Variants in DNAH9 observed in about 807,000 individuals in gnomAD.
The protein encoded by DNAH9 is dynein axonemal heavy chain 9, also known as DNAH9 variant protein.
In DNAH9, 345 loss-of-function variants were observed where a neutral mutation model predicts 471.6. That is an observed-to-expected ratio of 0.73 (90% CI 0.67 to 0.80). The LOEUF is 0.80. DNAH9 is among the 30% of genes least tolerant of loss of function. The pLI, the probability that DNAH9 is intolerant of heterozygous loss-of-function variation, is 0.00. For synonymous variants in DNAH9, 2,093 were observed against 2,123.6 expected (o/e 0.99, Z 0.40); for missense variants, 5,407 against 5,609.2 (o/e 0.96, Z 1.15).
Position 11,680,709 on chromosome 17 carries a change from G to A in DNAH9, c.3577-14G>A. 2 of 1,613,522 alleles carry A rather than the reference G, an allele frequency of 1.2e-6. No individual in the cohort carries two copies. Among genetic ancestry groups the A allele is most frequent in the Non-Finnish European group, 1.7e-6 (2 of 1,179,648 alleles). Reference sequence around the variant, plus strand: ...CACCTTGGGAATCTGACCACACTGAGGTTTCCTTTGCAGGAGCTGCCTGAG... The same window carrying A: ...CACCTTGGGAATCTGACCACACTGAAGTTTCCTTTGCAGGAGCTGCCTGAG... On this transcript the variant is annotated splice_polypyrimidine_tract_variant and intron_variant, in intron 18 of 68. Transcript: ENST00000262442.
intron 43 of DNAH9, among the ~76,000 whole-genome samples, chr17:11,805,450 C>T (rs1010300780): frequency 6.7e-6 from 1 of 148,344 alleles, no homozygotes; most frequent in African/African-American, 2.5e-5. Flanking sequence ...CAGACAGGAG[C>T]ACAGGATTGT....
At position 11,822,906 on chromosome 17, in the gene DNAH9, A is replaced by T. The variant is rs1970358073; in HGVS notation, c.9118A>T (p.Thr3040Ser). 6.2e-7 allele frequency: 1 copy of T among 1,614,004 alleles called. No homozygotes were observed. Among genetic ancestry groups the T allele is most frequent in the East Asian group, 2.2e-5 (1 of 44,858 alleles). The change falls in exon 48 of 69, where the codon ACT (threonine) becomes TCT (serine). Residue 3040 changes from threonine (T) to serine (S), a missense_variant. By Grantham distance (58) the Thr-to-Ser change is moderately conservative (BLOSUM62 1). Transcript: ENST00000262442. ...CAATGAACAGCGCTACAACTATACA[A>T]CTCCCAAGTCCTTTCTGGAGTTCAT... is the stretch of plus-strand genomic sequence containing the variant. ...LSNEQRYNYT[T>S]PKSFLEFIRL...
chr17:11,940,817 T>A (rs143209321), intron 66 of DNAH9, among the ~76,000 whole-genome samples: 3 of 152,302 alleles, frequency 2.0e-5, no homozygotes, highest in Admixed American at 1.3e-4. Context: ...TGTTTACAGC[T>A]GGAGAAAATT....
intron 49 of DNAH9, among the ~76,000 whole-genome samples, chr17:11,850,584 G>C (rs1215601732): frequency 1.3e-5 from 2 of 151,576 alleles, no homozygotes; most frequent in Non-Finnish European, 2.9e-5. Flanking sequence ...CCGGGAGGTG[G>C]AGGTTGCAGT....
chr17:11,915,026 T>G (rs960293267), intron 61 of DNAH9, among the ~76,000 whole-genome samples: 2 of 152,184 alleles, frequency 1.3e-5, no homozygotes, highest in South Asian at 2.1e-4. Flanking sequence ...TTCCACCTCC[T>G]AAATATGCTT....
chr17:11,678,183 G>C (rs55675546), intron 17 of DNAH9, among the ~76,000 whole-genome samples: 1 of 151,902 alleles, frequency 6.6e-6, no homozygotes, highest in East Asian at 1.9e-4. Flanking sequence ...TCAGCATCCC[G>C]AGTAGCTGGG....
At chr17:11,772,278 G>T (rs1457754222) in intron 38 of DNAH9, among the ~76,000 whole-genome samples, 3 of 151,742 alleles carry the variant, frequency 2.0e-5, no homozygotes, top group African/African-American at 7.2e-5. Context: ...AAATTAAACA[G>T]AAAAAGTGAT....
At chr17:11,894,311 C>T (rs77674979) in intron 58 of DNAH9, 63 bp from the exon 59 acceptor site, 16,990 of 1,594,596 alleles carry the variant, frequency 0.011, 128 homozygotes, top group South Asian at 0.012. Context: ...GTGACAACCC[C>T]TAAGATTTCT....
At position 11,905,175 on chromosome 17, in the gene DNAH9, A is replaced by T. The variant is rs544590022; in HGVS notation, c.11601-486A>T. Among the ~76,000 whole-genome samples the T allele has an allele frequency of 3.3e-5, 5 of 151,902 alleles. No homozygotes were observed. The East Asian group carries it at 9.7e-4, about 30-fold the overall frequency. Reference sequence around the variant, plus strand: ...CTTGAACCCGGGAGGCAGAGGTTGTAGTGAGCTGAGATTGTGCCACTGCAG... The same window carrying T: ...CTTGAACCCGGGAGGCAGAGGTTGTTGTGAGCTGAGATTGTGCCACTGCAG... On this transcript the variant is annotated intron_variant, in intron 60 of 68. Transcript: ENST00000262442.
chr17:11,847,692 C>G (rs1273269471), intron 49 of DNAH9, among the ~76,000 whole-genome samples: 1 of 152,220 alleles, frequency 6.6e-6, no homozygotes, highest in Non-Finnish European at 1.5e-5. Context: ...TACTGGGAAT[C>G]TCCCATTCGT....
intron 50 of DNAH9, among the ~76,000 whole-genome samples, chr17:11,860,217 C>T (rs1041710281): frequency 6.6e-6 from 1 of 152,196 alleles, no homozygotes; most frequent in Admixed American, 6.5e-5. Context: ...CACCCCCACT[C>T]CCCAGAGTTT....
At chr17:11,942,182 A>G in intron 66 of DNAH9, 121 bp from the exon 67 acceptor site, 1 of 1,357,092 alleles carries the variant, frequency 7.4e-7, no homozygotes, top group South Asian at 1.4e-5. Context: ...TGGCCATGTC[A>G]GTGGGTGGAG....
intron 49 of DNAH9, among the ~76,000 whole-genome samples, chr17:11,836,909 T>G (rs1054805150): frequency 2.6e-5 from 4 of 152,264 alleles, no homozygotes; most frequent in African/African-American, 7.2e-5. Flanking sequence ...GTTGCACTAC[T>G]TAGTAACTTT....
At chr17:11,731,408 T>TA (rs397777669) in intron 28 of DNAH9, among the ~76,000 whole-genome samples, 7 of 151,238 alleles carry the variant, frequency 4.6e-5, no homozygotes, top group South Asian at 2.1e-4. Flanking sequence ...TTTTTTTTTT[T>TA]AAATTATACT....
chr17:11,803,795 A>G (rs1269740283), intron 43 of DNAH9, among the ~76,000 whole-genome samples: 1 of 152,200 alleles, frequency 6.6e-6, no homozygotes, highest in Non-Finnish European at 1.5e-5. Flanking sequence ...CAGAGAACCC[A>G]GCTGGACTCC....
At chr17:11,644,470 C>A (rs866027685) in intron 10 of DNAH9, among the ~76,000 whole-genome samples, 161 bp from the exon 11 acceptor site, 16 of 152,022 alleles carry the variant, frequency 1.1e-4, no homozygotes, top group African/African-American at 3.9e-4. Flanking sequence ...CCTCTAGTGG[C>A]CAGAGTAAGA....
chr17:11,847,111 C>T (rs2150964183), intron 49 of DNAH9, among the ~76,000 whole-genome samples: 1 of 152,254 alleles, frequency 6.6e-6, no homozygotes, highest in East Asian at 1.9e-4. Context: ...GGATATTAGA[C>T]TTTTGTCAGA....
intron 38 of DNAH9, among the ~76,000 whole-genome samples, chr17:11,778,680 G>A (rs756322602): frequency 5.3e-5 from 8 of 152,090 alleles, no homozygotes; most frequent in Non-Finnish European, 8.8e-5. Flanking sequence ...TGGAGACGGC[G>A]AAAAGAGATA....
rs1430241234 is a variant in DNAH9 at position 11,945,155 on chromosome 17, G to A, written c.12843+2670G>A. 3.3e-5 allele frequency among the ~76,000 whole-genome samples: 5 copies of A among 152,338 alleles called. No homozygotes were observed. In the East Asian group the frequency reaches 5.8e-4, roughly 18 times the overall value. On this transcript the variant is annotated intron_variant, in intron 67 of 68. Coordinates refer to ENST00000262442, the MANE Select transcript of DNAH9 (RefSeq NM_001372.4). ...TTCCCAGAACACTGGTGGAAGGCAC[G>A]CTTGGCTTTGCTGACCAGCTTACCT...
Sources: gnomAD v4.1 joint callset for allele counts (sites outside exome capture counted in the v4.1 genomes callset) on GRCh38, gnomAD v4.1.1 for gene constraint, MANE v1.5 for transcripts, NCBI Gene and HGNC (gene_info 2026-07-23, HGNC 2026-07-21) for gene names.